The following PDE1A variants were observed in gnomAD, a reference collection of about 807,000 sequenced individuals.
The protein encoded by PDE1A is dual specificity calcium/calmodulin-dependent 3',5'-cyclic nucleotide phosphodiesterase 1A.
PDE1A carries 35 observed loss-of-function variants against 61.7 expected under a neutral mutation model. The ratio of observed to expected loss-of-function variants is 0.57; its 90% CI spans 0.43 to 0.75. PDE1A has a LOEUF of 0.75. Among genes scored for constraint, PDE1A ranks in the 30% least tolerant of loss-of-function variants. The pLI is 0.00. For missense variants in PDE1A, 597 were observed against 630.6 expected, an observed-to-expected ratio of 0.95 and a Z score of 0.57; for synonymous variants, 232 against 213.2, an observed-to-expected ratio of 1.09 and a Z score of -0.77.
upstream of PDE1A, among the ~76,000 whole-genome samples, chr2:182,525,009 G>A (rs896379003): frequency 4.6e-5 from 7 of 151,722 alleles, no homozygotes; most frequent in Non-Finnish European, 1.0e-4. Flanking sequence ...TCTAAATCTA[G>A]ACTACCTGGG....
intron 1 of PDE1A, among the ~76,000 whole-genome samples, chr2:182,381,527 T>C (rs191210557): frequency 1.3e-5 from 2 of 152,204 alleles, no homozygotes; most frequent in East Asian, 3.9e-4. Flanking sequence ...ATAAACGTTA[T>C]ATTAGGCCAG....
chr2:182,435,245 T>C (rs1387669266), intron 2 of PDE1A, among the ~76,000 whole-genome samples: 1 of 152,054 alleles, frequency 6.6e-6, no homozygotes, highest in African/African-American at 2.4e-5. Flanking sequence ...AAATCTACTA[T>C]TAAAGGAAAT....
intron 1 of PDE1A, among the ~76,000 whole-genome samples, chr2:182,375,879 C>T (rs1023855035): frequency 6.6e-6 from 1 of 152,238 alleles, no homozygotes; most frequent in Non-Finnish European, 1.5e-5. Context: ...AGGCTCAACA[C>T]CATGTGGAGG....
chr2:182,223,267 T>C (rs751750664), intron 7 of PDE1A, among the ~76,000 whole-genome samples: 5 of 151,968 alleles, frequency 3.3e-5, no homozygotes, highest in Non-Finnish European at 5.9e-5. Flanking sequence ...ACTCCTAGCA[T>C]CCATAATTGT....
chr2:182,231,212 A>G lies in PDE1A; in HGVS notation c.418-81T>C. The G allele has an allele frequency of 4.0e-6, 3 of 752,022 alleles. No individual in the cohort carries two copies. The South Asian group carries it at 5.1e-5, about 13-fold the overall frequency. 46.6% of individuals were successfully genotyped at this position (752,022 alleles called of 1,614,324 possible). A position where few individuals can be genotyped will look rare whatever the true frequency, so the allele number is the denominator to read the frequency against. ...ATTTATTCAAAAGATAAGGCATTGT[A>G]CATTTAGCAGGTCATCTTTCAATTT... is the stretch of plus-strand genomic sequence containing the variant. On this transcript the variant is annotated intron_variant, in intron 4 of 13. Transcript: ENST00000351439.
chr2:182,688,907 C>A, the PDE1A span, among the ~76,000 whole-genome samples: 1 of 152,156 alleles, frequency 6.6e-6, no homozygotes, highest in South Asian at 2.1e-4. Flanking sequence ...GACTTTAAAC[C>A]AACAAAGATC....
chr2:182,500,289 G>A lies in PDE1A; in HGVS notation c.101+21987C>T, dbSNP rs375661415. Among the ~76,000 whole-genome samples, 17 of 152,260 alleles carry A rather than the reference G, an allele frequency of 1.1e-4. No homozygotes were observed. In the South Asian group the frequency reaches 3.5e-3, roughly 32 times the overall value. ...TACAAACCTCAAATACTGATTCACT[G>A]AAGTGGTCATAGAACTACATTGGGA... On this transcript the variant is annotated intron_variant, in intron 2 of 14. Coordinates refer to the PDE1A transcript ENST00000410103.
intron 1 of PDE1A, among the ~76,000 whole-genome samples, chr2:182,369,381 T>C (rs1202273793): frequency 1.3e-5 from 2 of 152,224 alleles, no homozygotes; most frequent in Admixed American, 6.5e-5. Context: ...ACATAAAATA[T>C]AATTATGTGT....
intron 1 of PDE1A, among the ~76,000 whole-genome samples, chr2:182,424,941 A>C (rs1482265438): frequency 6.6e-6 from 1 of 152,220 alleles, no homozygotes; most frequent in African/African-American, 2.4e-5. Flanking sequence ...TGAATTTAAC[A>C]AATTTTATTC....
chr2:182,342,240 GTGT>G (rs772129197), intron 1 of PDE1A, among the ~76,000 whole-genome samples: 33 of 152,170 alleles, frequency 2.2e-4, no homozygotes, highest in Admixed American at 1.8e-3. Context: ...AAATCAGAAA[GTGT>G]TGTTGTTGTT....
At chr2:182,432,273 C>T (rs1703989699) in intron 2 of PDE1A, among the ~76,000 whole-genome samples, 1 of 152,090 alleles carries the variant, frequency 6.6e-6, no homozygotes, top group Non-Finnish European at 1.5e-5. Flanking sequence ...CAAGAATAAA[C>T]TCTGTAGTCA....
chr2:182,387,000 T>G (rs1472632108), intron 1 of PDE1A, among the ~76,000 whole-genome samples: 3 of 152,220 alleles, frequency 2.0e-5, no homozygotes, highest in Non-Finnish European at 4.4e-5. Flanking sequence ...GGGGAAAAGA[T>G]AGAGAGATCG....
intron 2 of PDE1A, among the ~76,000 whole-genome samples, chr2:182,452,720 T>C (rs566326453): frequency 6.6e-6 from 1 of 152,234 alleles, no homozygotes; most frequent in Admixed American, 6.5e-5. Context: ...TGGAGGCCCA[T>C]CAAAGTAAGA....
chr2:182,259,273 C>T (rs1473616832), intron 2 of PDE1A, among the ~76,000 whole-genome samples: 1 of 152,156 alleles, frequency 6.6e-6, no homozygotes, highest in Non-Finnish European at 1.5e-5. Context: ...AAGGGAAAGG[C>T]ACTCTTTTCC....
intron 7 of PDE1A, among the ~76,000 whole-genome samples, chr2:182,218,482 A>G (rs940968013): frequency 2.0e-5 from 3 of 152,158 alleles, no homozygotes; most frequent in Admixed American, 2.0e-4. Flanking sequence ...TAGTTGACAC[A>G]TTGTACAATA....
the PDE1A span, among the ~76,000 whole-genome samples, chr2:182,648,683 G>C: frequency 6.9e-6 from 1 of 144,850 alleles, no homozygotes. Context: ...CTGGGTGGCA[G>C]AGCAAGACCC....
the PDE1A span, among the ~76,000 whole-genome samples, chr2:182,564,791 A>G: frequency 1.3e-5 from 2 of 151,850 alleles, no homozygotes; most frequent in Non-Finnish European, 2.9e-5. Context: ...TTCTCGCTTC[A>G]TTTCACTCAT....
chr2:182,181,438 T>C (rs1684751077), intron 13 of PDE1A, among the ~76,000 whole-genome samples: 1 of 152,220 alleles, frequency 6.6e-6, no homozygotes, highest in South Asian at 2.1e-4. Context: ...ACATCAAAGA[T>C]TGCTGTCTGC....
the PDE1A span, among the ~76,000 whole-genome samples, chr2:182,635,075 C>A: frequency 6.6e-6 from 1 of 151,388 alleles, no homozygotes; most frequent in Non-Finnish European, 1.5e-5. Context: ...AATGTGTTCT[C>A]ATACTCTGCG....
Sources: allele counts gnomAD v4.1 joint callset (sites outside exome capture counted in the v4.1 genomes callset), GRCh38; gene constraint gnomAD v4.1.1; transcripts MANE v1.5; gene names NCBI Gene and HGNC (gene_info 2026-07-23, HGNC 2026-07-21).